The following GPC5 variants were observed in gnomAD, a reference collection of about 807,000 sequenced individuals.
GPC5 encodes glypican-5.
Under a neutral mutation model 53.9 loss-of-function variants are expected in GPC5, and 47 were observed. The ratio of observed to expected loss-of-function variants is 0.87; its 90% confidence interval spans 0.69 to 1.11. The LOEUF (loss-of-function observed/expected upper bound fraction) is 1.11. Ranked by LOEUF, GPC5 falls within the 50% of genes most tolerant of loss-of-function variation. The probability of loss-of-function intolerance (pLI) is 0.00; values close to 1 mark genes in which losing one functional copy is unlikely to be tolerated. For missense variants in GPC5, 748 were observed against 713.1 expected (o/e 1.05, Z -0.56); for synonymous variants, 286 against 263.3 (o/e 1.09, Z -0.84).
At chr13:92,588,321 A>T (rs897911893) in intron 7 of GPC5, among the ~76,000 whole-genome samples, 5 of 152,180 alleles carry the variant, frequency 3.3e-5, no homozygotes, top group Non-Finnish European at 7.3e-5. Flanking sequence ...TATCCAGTCT[A>T]TCATTGATGG....
chr13:91,423,898 A>T (rs1434853560), intron 1 of GPC5, among the ~76,000 whole-genome samples: 1 of 152,226 alleles, frequency 6.6e-6, no homozygotes, highest in Admixed American at 6.5e-5. Context: ...GAAGTCTATT[A>T]TATGCATACA....
At chr13:91,900,284 T>A (rs2138984842) in intron 5 of GPC5, among the ~76,000 whole-genome samples, 1 of 152,260 alleles carries the variant, frequency 6.6e-6, no homozygotes, top group Non-Finnish European at 1.5e-5. Context: ...GCATTTAATT[T>A]ATTAGTACTC....
chr13:92,386,307 A>T (rs974639370), intron 7 of GPC5, among the ~76,000 whole-genome samples: 2 of 152,044 alleles, frequency 1.3e-5, no homozygotes, highest in African/African-American at 4.8e-5. Flanking sequence ...TTAGCTCTAC[A>T]TAGAGAAACA....
chr13:91,484,219 A>C (rs1594148906), intron 2 of GPC5, among the ~76,000 whole-genome samples: 1 of 152,316 alleles, frequency 6.6e-6, no homozygotes, highest in East Asian at 1.9e-4. Flanking sequence ...AAATGGTCTG[A>C]TAAAGAAGGA....
intron 7 of GPC5, among the ~76,000 whole-genome samples, chr13:92,550,521 A>C (rs531795768): frequency 6.6e-6 from 1 of 152,010 alleles, no homozygotes; most frequent in African/African-American, 2.4e-5. Context: ...TTGATTTTCA[A>C]TCAGGATCCA....
intron 5 of GPC5, among the ~76,000 whole-genome samples, chr13:91,759,613 G>A (rs1245065279): frequency 1.5e-4 from 23 of 152,052 alleles, no homozygotes; most frequent in Non-Finnish European, 5.9e-5. Flanking sequence ...ACAAATGATT[G>A]AGAATATGTG....
intron 7 of GPC5, among the ~76,000 whole-genome samples, chr13:92,822,311 CAGTAATTAGTCAAAACTAT>C (rs1877701082): frequency 6.6e-6 from 1 of 151,916 alleles, no homozygotes; most frequent in Admixed American, 6.6e-5. Flanking sequence ...GAGTATATGG[CAGTAATTAGTCAAAACTAT>C]TTCTAAACAT....
intron 2 of GPC5, among the ~76,000 whole-genome samples, chr13:91,630,771 C>T (rs9523387): frequency 0.49 from 73,751 of 152,028 alleles, 20,983 homozygotes; most frequent in Non-Finnish European, 0.61. Context: ...AGAAAATTCA[C>T]ACCTTTTCTT....
chr13:91,749,943 G>A (rs1419196101), intron 4 of GPC5, among the ~76,000 whole-genome samples: 2 of 152,130 alleles, frequency 1.3e-5, no homozygotes, highest in Non-Finnish European at 2.9e-5. Flanking sequence ...CCAAGTAGCT[G>A]GGATCACAGG....
intron 2 of GPC5, among the ~76,000 whole-genome samples, chr13:91,555,306 C>G (rs1163535907): frequency 6.6e-6 from 1 of 152,010 alleles, no homozygotes; most frequent in African/African-American, 2.4e-5. Flanking sequence ...AAGGTGATCA[C>G]AGCAAAGTCA....
Position 91,571,621 on chromosome 13 carries a change from AGGCTGAG to A in GPC5, c.326-121564_326-121558del. On this transcript the variant is annotated intron_variant, in intron 2 of 7. Transcript: ENST00000377067. The stretch of plus-strand genomic sequence containing the variant: ...ACACCTGTAGTCCTAGCTACTCAGG[AGGCTGAG>A]GCAGGAGAATCACTTGAGCCCAGGA... Among the ~76,000 whole-genome samples the A allele has an allele frequency of 1.3e-5, 2 of 151,888 alleles. 1 individual carries two copies. The highest frequency in any genetic ancestry group is 4.8e-5 in the African/African-American group (2 of 41,426).
In GPC5 at chr13:91,925,098, C is replaced by T. The variant is rs575807903; in HGVS notation, c.1401+17041C>T. On this transcript the variant is annotated intron_variant, in intron 6 of 7. Transcript: ENST00000377067. ...CCTCCCAAAGTGCCGGGATTACAGG[C>T]GTGAGCTACTGTGCCCGGCCACTTC... 1.8e-4 allele frequency among the ~76,000 whole-genome samples: 27 copies of T among 152,172 alleles called. No homozygotes were observed. The South Asian group carries it at 2.5e-3, about 14-fold the overall frequency.
At position 91,527,341 on chromosome 13, in the gene GPC5, C is replaced by T. The variant is rs140389101; in HGVS notation, c.325+78419C>T. 5.7e-3 allele frequency among the ~76,000 whole-genome samples: 869 copies of T among 152,296 alleles called. 7 individuals carry two copies. Among genetic ancestry groups the T allele is most frequent in the African/African-American group, 0.02 (836 of 41,572 alleles). ...AGTGGCCATAGGCCTTATGCAAGTC[C>T]GAAACTCAGCAGGGCAGTCATTAAA... is the stretch of plus-strand genomic sequence containing the variant. On this transcript the variant is annotated intron_variant, in intron 2 of 7. Coordinates refer to ENST00000377067, the MANE Select transcript of GPC5 (RefSeq NM_004466.6).
In GPC5 at chr13:91,793,351, G is replaced by A. The variant is rs112401688; in HGVS notation, c.1280+36931G>A. On this transcript the variant is annotated intron_variant, in intron 5 of 7. Coordinates refer to ENST00000377067, the MANE Select transcript of GPC5 (RefSeq NM_004466.6). ...CCATTCCGGGTCCCTCCCATGACAC[G>A]TGGGGATTATGGGGGCTACAATTCA... is the stretch of plus-strand genomic sequence containing the variant. 9.8e-3 allele frequency among the ~76,000 whole-genome samples: 1,495 copies of A among 152,242 alleles called. 21 individuals carry two copies. Among genetic ancestry groups the A allele is most frequent in the African/African-American group, 0.034 (1,423 of 41,554 alleles).
intron 6 of GPC5, among the ~76,000 whole-genome samples, chr13:91,979,195 T>C (rs2040335122): frequency 6.6e-6 from 1 of 151,788 alleles, no homozygotes; most frequent in Non-Finnish European, 1.5e-5. Context: ...GAGCTAGAGG[T>C]AAGGGGAAAT....
intron 5 of GPC5, among the ~76,000 whole-genome samples, chr13:91,768,902 A>G (rs2037572270): frequency 1.3e-5 from 2 of 152,336 alleles, no homozygotes; most frequent in African/African-American, 4.8e-5. Context: ...TCTGTAGGGT[A>G]GAGAGAGCCA....
rs192440202 is a variant in GPC5 at position 91,830,539 on chromosome 13, T to C, written c.1280+74119T>C. On this transcript the variant is annotated intron_variant, in intron 5 of 7. Transcript: ENST00000377067. ...ATAAGTGTCCATGAAATCTTTACAG[T>C]TTTATGTTCAGAGATTGCAGTAAAG... is the stretch of plus-strand genomic sequence containing the variant. Among the ~76,000 whole-genome samples the C allele has an allele frequency of 1.6e-4, 25 of 151,838 alleles. 1 individual carries two copies. Among genetic ancestry groups the C allele is most frequent in the Admixed American group, 4.6e-4 (7 of 15,178 alleles).
intron 7 of GPC5, among the ~76,000 whole-genome samples, chr13:92,414,940 C>A (rs900464998): frequency 3.9e-5 from 6 of 152,272 alleles, no homozygotes; most frequent in African/African-American, 1.4e-4. Context: ...TTTCAGCATA[C>A]GCATTTTCGG....
At chr13:92,709,995 A>G (rs1010435204) in intron 7 of GPC5, among the ~76,000 whole-genome samples, 3 of 152,200 alleles carry the variant, frequency 2.0e-5, no homozygotes, top group Non-Finnish European at 4.4e-5. Context: ...GTGGCTCTCC[A>G]ACAATGCTAG....
Sources: allele counts gnomAD v4.1 joint callset (sites outside exome capture counted in the v4.1 genomes callset), GRCh38; gene constraint gnomAD v4.1.1; transcripts MANE v1.5; gene names NCBI Gene and HGNC (gene_info 2026-07-23, HGNC 2026-07-21).